The following CEP128 variants were observed in gnomAD, a reference collection of about 807,000 sequenced individuals.
CEP128 encodes the protein centrosomal protein 128kDa.
In CEP128, 132 loss-of-function variants were observed where a neutral mutation model predicts 156.7. The observed-to-expected ratio is 0.84, with a 90% CI of 0.73 to 0.97. CEP128 has a LOEUF of 0.97. Among genes scored for constraint, CEP128 ranks in the 50% least tolerant of loss-of-function variants. CEP128 has a pLI of 0.00. For missense variants in CEP128, 1,252 were observed against 1,281.9 expected, an observed-to-expected ratio of 0.98 and a Z score of 0.36; for synonymous variants, 469 against 448.9, an observed-to-expected ratio of 1.04 and a Z score of -0.57.
intron 23 of CEP128, among the ~76,000 whole-genome samples, chr14:80,513,489 T>G (rs1888351434): frequency 6.6e-6 from 1 of 152,214 alleles, no homozygotes; most frequent in Non-Finnish European, 1.5e-5. Flanking sequence ...CTTCCCGTAC[T>G]TAAATATTTA....
chr14:80,742,766 A>C (rs936445571), intron 19 of CEP128: 36 of 301,574 alleles, frequency 1.2e-4, no homozygotes, highest in African/African-American at 7.3e-4. Context: ...TGAATGAACT[A>C]AGACGTATTT....
chr14:80,906,183 TCC>T, intron 4 of CEP128, 102 bp from the exon 5 acceptor site: 1 of 891,356 alleles, frequency 1.1e-6, no homozygotes, highest in Non-Finnish European at 1.6e-6. Flanking sequence ...ATATCTGGGT[TCC>T]CCCCAAAAAA....
rs1887904424 is a variant in CEP128, at chr14:80,504,976, A to T, written c.3117T>A (p.Asp1039Glu). 6.2e-7 allele frequency: 1 copy of T among 1,603,708 alleles called. No individual in the cohort carries two copies. Among genetic ancestry groups the T allele is most frequent in the Admixed American group, 1.7e-5 (1 of 59,046 alleles). Residue 1039 changes from aspartate to glutamate, a missense_variant, in exon 24 of 25, where the codon GAT (aspartate) becomes GAA (glutamate). Coordinates refer to ENST00000555265, the MANE Select transcript of CEP128 (RefSeq NM_152446.5). Reference protein sequence around the residue: ...FLEGSHTRGLDHSSSWQDHSR... With the variant: ...FLEGSHTRGLEHSSSWQDHSR... ...TGTGATCCTGCCAAGAGGATGAGTG[A>T]TCTAACCCACGAGTGTGGGAACCTT...
chr14:80,662,685 G>C (rs1181251539), intron 19 of CEP128, among the ~76,000 whole-genome samples: 2 of 152,182 alleles, frequency 1.3e-5, no homozygotes, highest in Non-Finnish European at 2.9e-5. Context: ...TTAGATGGCA[G>C]ACAATGGGAT....
chr14:80,813,049 T>C (rs1349931511), intron 13 of CEP128, among the ~76,000 whole-genome samples: 1 of 152,150 alleles, frequency 6.6e-6, no homozygotes, highest in African/African-American at 2.4e-5. Context: ...GTCCTTTGCG[T>C]ATTTTTTAAT....
chr14:80,537,859 C>T (rs1179316884), intron 21 of CEP128, among the ~76,000 whole-genome samples: 2 of 152,138 alleles, frequency 1.3e-5, no homozygotes, highest in Non-Finnish European at 2.9e-5. Context: ...ATATATGCTG[C>T]ATTGGAAATC....
chr14:80,898,141 C>T (rs1046717595), intron 7 of CEP128, among the ~76,000 whole-genome samples: 1 of 152,168 alleles, frequency 6.6e-6, no homozygotes, highest in Non-Finnish European at 1.5e-5. Context: ...TTACTTAATC[C>T]TTTCTAAAAG....
intron 2 of CEP128, among the ~76,000 whole-genome samples, chr14:80,928,761 C>A (rs1031955354): frequency 1.3e-5 from 2 of 152,068 alleles, no homozygotes; most frequent in African/African-American, 2.4e-5. Flanking sequence ...AAATCTAAGA[C>A]CTAAACCTAT....
chr14:80,755,069 T>C (rs1016913974), intron 18 of CEP128, among the ~76,000 whole-genome samples: 3 of 152,084 alleles, frequency 2.0e-5, no homozygotes, highest in African/African-American at 7.2e-5. Context: ...AGACTCACCC[T>C]TAATCTGGGT....
intron 19 of CEP128, among the ~76,000 whole-genome samples, chr14:80,640,747 A>G (rs1320010106): frequency 6.6e-6 from 1 of 152,154 alleles, no homozygotes; most frequent in Non-Finnish European, 1.5e-5. Flanking sequence ...AGAACTCCCA[A>G]ATTGGCCCTC....
chr14:80,618,462 G>A lies in CEP128; in HGVS notation c.2807-38039C>T, dbSNP rs117047902. ...CGCTAGAAGCCTTCTTACAGTATAC[G>A]TCTTGAAATGTGGGATAAAACAAAT... On this transcript the variant is annotated intron_variant, in intron 19 of 24. Coordinates refer to ENST00000555265, the MANE Select transcript of CEP128 (RefSeq NM_152446.5). 3.5e-4 allele frequency among the ~76,000 whole-genome samples: 53 copies of A among 152,330 alleles called. 1 individual carries two copies. In the East Asian group the frequency reaches 7.7e-3, roughly 22 times the overall value.
chr14:80,552,652 C>T (rs1301317800), intron 21 of CEP128, among the ~76,000 whole-genome samples: 1 of 152,034 alleles, frequency 6.6e-6, no homozygotes, highest in African/African-American at 2.4e-5. Flanking sequence ...TTAATTAGTG[C>T]CTCCCTGATT....
chr14:80,517,883 G>A (rs1888562819), intron 23 of CEP128, among the ~76,000 whole-genome samples: 1 of 152,068 alleles, frequency 6.6e-6, no homozygotes, highest in African/African-American at 2.4e-5. Context: ...TATCCTGACT[G>A]GGAGTGGCAA....
At chr14:80,560,052 A>G (rs1184000449) in intron 20 of CEP128, among the ~76,000 whole-genome samples, 2 of 152,212 alleles carry the variant, frequency 1.3e-5, no homozygotes, top group African/African-American at 2.4e-5. Flanking sequence ...GACAAAGCAG[A>G]GTGTGAAGAT....
At chr14:80,559,582 T>G (rs1182983755) in intron 20 of CEP128, among the ~76,000 whole-genome samples, 2 of 152,182 alleles carry the variant, frequency 1.3e-5, no homozygotes, top group African/African-American at 4.8e-5. Context: ...CTACCATTTT[T>G]GTAATGGTAA....
intron 8 of CEP128, among the ~76,000 whole-genome samples, chr14:80,890,812 C>A (rs556114427): frequency 1.3e-5 from 2 of 151,918 alleles, no homozygotes; most frequent in East Asian, 3.9e-4. Context: ...AAAATAAAAA[C>A]AAAATAACCA....
At chr14:80,710,769 A>T (rs903955755) in intron 19 of CEP128, among the ~76,000 whole-genome samples, 2 of 152,234 alleles carry the variant, frequency 1.3e-5, no homozygotes, top group East Asian at 3.9e-4. Flanking sequence ...TGAACAGAAT[A>T]AAAAAATCAA....
Position 80,793,004 on chromosome 14 carries a change from T to C in CEP128, c.1316A>G (p.His439Arg), listed in dbSNP as rs775862828. Residue 439 changes from histidine to arginine, a missense_variant, in exon 14 of 25, where the codon CAT becomes CGT. Coordinates refer to ENST00000555265, the MANE Select transcript of CEP128 (RefSeq NM_152446.5). Reference protein sequence around the residue: ...HFDTCEAERKHADLQISELTR... With the variant: ...HFDTCEAERKRADLQISELTR... ...CAGCTCTGAGATCTGAAGGTCAGCATGCTTACGCTCGGCCTCACATGTGTC... is the reference window on the plus strand; with the variant it reads ...CAGCTCTGAGATCTGAAGGTCAGCACGCTTACGCTCGGCCTCACATGTGTC... 5 of 1,614,206 alleles carry C rather than the reference T, an allele frequency of 3.1e-6. No homozygotes were observed. The highest frequency in any genetic ancestry group is 1.7e-5 in the Admixed American group (1 of 60,000).
intron 16 of CEP128, among the ~76,000 whole-genome samples, chr14:80,774,568 C>A (rs554577687): frequency 6.6e-6 from 1 of 151,940 alleles, no homozygotes; most frequent in African/African-American, 2.4e-5. Flanking sequence ...CCACCTTATA[C>A]ATGTGTGTAT....
Sources: gnomAD v4.1 joint callset for allele counts (sites outside exome capture counted in the v4.1 genomes callset) on GRCh38, gnomAD v4.1.1 for gene constraint, MANE v1.5 for transcripts, NCBI Gene and HGNC (gene_info 2026-07-23, HGNC 2026-07-21) for gene names.